Variants in DTNB observed in about 807,000 individuals in gnomAD.
DTNB encodes DTN-B.
A neutral mutation model predicts 90.7 loss-of-function variants in DTNB; 63 were observed. The ratio of observed to expected loss-of-function variants is 0.69; its 90% confidence interval spans 0.57 to 0.86. The LOEUF (loss-of-function observed/expected upper bound fraction) is 0.86, where lower values mean the gene tolerates loss of function less well. Among genes scored for constraint, DTNB ranks in the 40% least tolerant of loss-of-function variants. The pLI, the probability that DTNB is intolerant of heterozygous loss-of-function variation, is 0.00. For synonymous variants in DTNB, 277 were observed against 286.7 expected (o/e 0.97, Z 0.34); for missense variants, 744 against 807.1 (o/e 0.92, Z 0.95).
At chr2:25,549,595 T>C (rs926951964) in intron 8 of DTNB, among the ~76,000 whole-genome samples, 8 of 152,218 alleles carry the variant, frequency 5.3e-5, no homozygotes, top group African/African-American at 1.2e-4. Flanking sequence ...TTAAAAATCA[T>C]CTTATATTTT....
intron 15 of DTNB, among the ~76,000 whole-genome samples, chr2:25,427,180 A>AACACACACACACACACACACAC (rs3041256): frequency 2.9e-5 from 4 of 139,570 alleles, no homozygotes; most frequent in African/African-American, 1.1e-4. Context: ...TCCATCTCAA[A>AACACACACACACACACACACAC]ACACACACAC....
chr2:25,497,908 AT>A (rs2069355185), intron 9 of DTNB, among the ~76,000 whole-genome samples: 1 of 152,116 alleles, frequency 6.6e-6, no homozygotes, highest in Non-Finnish European at 1.5e-5. Context: ...GAACCTTTCT[AT>A]TGTTACTTAT....
chr2:25,594,392 C>A (rs899008102), intron 6 of DTNB, among the ~76,000 whole-genome samples: 32 of 152,214 alleles, frequency 2.1e-4, no homozygotes, highest in African/African-American at 7.5e-4. Flanking sequence ...AATATCTCCT[C>A]AGATGTTACT....
chr2:25,653,812 C>T (rs903208163), intron 1 of DTNB, among the ~76,000 whole-genome samples: 1 of 152,258 alleles, frequency 6.6e-6, no homozygotes, highest in Non-Finnish European at 1.5e-5. Context: ...ACGCTCAGCC[C>T]TGTTCAGAGC....
At chr2:25,554,368 T>C (rs1432750971) in intron 8 of DTNB, among the ~76,000 whole-genome samples, 3 of 152,158 alleles carry the variant, frequency 2.0e-5, no homozygotes, top group Admixed American at 1.3e-4. Flanking sequence ...CAGCAGTTCA[T>C]AGTCTCATTT....
At chr2:25,526,834 A>C (rs1462514611) in intron 9 of DTNB, among the ~76,000 whole-genome samples, 1 of 152,248 alleles carries the variant, frequency 6.6e-6, no homozygotes, top group African/African-American at 2.4e-5. Flanking sequence ...CATAAAGGGG[A>C]ATTTTAAAAA....
rs1312869510 is a variant in DTNB at position 25,387,807 on chromosome 2, C to T, written c.1735+395G>A. 6.6e-6 allele frequency among the ~76,000 whole-genome samples: 1 copy of T among 152,230 alleles called. No homozygotes were observed. The highest frequency in any genetic ancestry group is 1.9e-4 in the East Asian group (1 of 5,200). On this transcript the variant is annotated intron_variant, in intron 17 of 20. Transcript: ENST00000406818. The surrounding 1 kb of genome is among the most constrained non-coding windows in gnomAD (Gnocchi z 4.5). ...TTAATACTGCTGGTCACCAGCTCCCCCGATGACTGTGACAATGGCGTGCAT... is the reference window on the plus strand; with the variant it reads ...TTAATACTGCTGGTCACCAGCTCCCTCGATGACTGTGACAATGGCGTGCAT...
At chr2:25,444,180 T>C (rs2058028105) in intron 12 of DTNB, among the ~76,000 whole-genome samples, 1 of 152,196 alleles carries the variant, frequency 6.6e-6, no homozygotes, top group Non-Finnish European at 1.5e-5. Context: ...GATGACACTT[T>C]AAGAATTTGC....
intron 20 of DTNB, among the ~76,000 whole-genome samples, 179 bp from the exon 21 acceptor site, chr2:25,377,732 A>G (rs1007129616): frequency 6.6e-6 from 1 of 152,212 alleles, no homozygotes; most frequent in Admixed American, 6.5e-5. Flanking sequence ...CCTAAGGGTC[A>G]GGAAGTGTTT....
intron 15 of DTNB, among the ~76,000 whole-genome samples, chr2:25,420,467 A>AATCAATCTATCTATCTATCT (rs771676964): frequency 7.6e-5 from 11 of 145,526 alleles, no homozygotes; most frequent in Admixed American, 4.1e-4. Context: ...CATCTAAATC[A>AATCAATCTATCTATCTATCT]ATCTATCTAT....
intron 12 of DTNB, among the ~76,000 whole-genome samples, chr2:25,439,143 A>C (rs1249774475): frequency 6.6e-6 from 1 of 152,228 alleles, no homozygotes; most frequent in Non-Finnish European, 1.5e-5. Context: ...GACTTTAGTT[A>C]ATAATAATGT....
chr2:25,449,924 G>A (rs533395075), intron 12 of DTNB, among the ~76,000 whole-genome samples: 11 of 151,944 alleles, frequency 7.2e-5, no homozygotes, highest in Non-Finnish European at 1.3e-4. Flanking sequence ...TGCCACGCCC[G>A]GCTAATTTTT....
intron 2 of DTNB, among the ~76,000 whole-genome samples, chr2:25,647,164 C>G (rs1370939003): frequency 6.6e-6 from 1 of 152,136 alleles, no homozygotes; most frequent in Admixed American, 6.5e-5. Flanking sequence ...TTCAAAGCAT[C>G]AAAAGCATTA....
intron 12 of DTNB, among the ~76,000 whole-genome samples, chr2:25,451,317 T>G (rs1027608709): frequency 6.6e-6 from 1 of 152,158 alleles, no homozygotes; most frequent in Non-Finnish European, 1.5e-5. Flanking sequence ...TTCCCAATAT[T>G]AGGGGGAAAT....
At position 25,408,449 on chromosome 2, in the gene DTNB, GA is replaced by G. The variant is rs561335776; in HGVS notation, c.1575+11065del. On this transcript the variant is annotated intron_variant, in intron 16 of 20. Transcript: ENST00000406818. ...AGCTACTCAGGAGGCTGAGGCAGGA[GA>G]ATCGCTGGAACCCAGGAGGTGGAGG... is the stretch of plus-strand genomic sequence containing the variant. Among the ~76,000 whole-genome samples the G allele has an allele frequency of 9.4e-3, 1,306 of 138,788 alleles. 8 individuals carry two copies. The highest frequency in any genetic ancestry group is 0.014 in the Non-Finnish European group (919 of 66,552). The allele number at this position is 138,788 out of a possible 152,430, so 91.1% of individuals were successfully genotyped here.
At chr2:25,484,760 C>G (rs1005242649) in intron 9 of DTNB, among the ~76,000 whole-genome samples, 1 of 152,134 alleles carries the variant, frequency 6.6e-6, no homozygotes, top group Non-Finnish European at 1.5e-5. Flanking sequence ...TTGAAATATG[C>G]CTCTCTAGGC....
intron 12 of DTNB, among the ~76,000 whole-genome samples, chr2:25,445,930 T>C (rs952737864): frequency 5.9e-5 from 9 of 151,540 alleles, no homozygotes; most frequent in Non-Finnish European, 1.2e-4. Context: ...GTTTTTTTTT[T>C]TTTTTTTTAA....
At chr2:25,664,892 G>A (rs1015936695) in intron 1 of DTNB, among the ~76,000 whole-genome samples, 16 of 152,106 alleles carry the variant, frequency 1.1e-4, no homozygotes, top group Non-Finnish European at 1.6e-4. Context: ...CCCCCTCCAG[G>A]GCAACATGAG....
chr2:25,469,590 C>T (rs892985874), intron 10 of DTNB, among the ~76,000 whole-genome samples: 6 of 152,118 alleles, frequency 3.9e-5, no homozygotes, highest in East Asian at 1.9e-4. Flanking sequence ...GGACTATAGG[C>T]ACTTACCACC....
Sources: allele counts gnomAD v4.1 joint callset (sites outside exome capture counted in the v4.1 genomes callset), GRCh38; gene constraint gnomAD v4.1.1; non-coding constraint Gnocchi (gnomAD v3.1); transcripts MANE v1.5; gene names NCBI Gene and HGNC (gene_info 2026-07-23, HGNC 2026-07-21).